The following LAMA3 variants were observed in gnomAD, a reference collection of about 807,000 sequenced individuals.
LAMA3 encodes the protein laminin subunit alpha 3.
In LAMA3, 281 loss-of-function variants were observed where a neutral mutation model predicts 402.0. The ratio of observed to expected loss-of-function variants is 0.70; its 90% CI spans 0.63 to 0.77. The LOEUF is 0.77. Among genes scored for constraint, LAMA3 ranks in the 30% least tolerant of loss-of-function variants. The pLI is 0.00. For synonymous variants in LAMA3, 1,431 were observed against 1,558.4 expected (o/e 0.92, Z 1.93); for missense variants, 3,840 against 4,215.5 (o/e 0.91, Z 2.47).
rs1023157988 is a variant in LAMA3, at chr18:23,861,797, T to C, written c.4574T>C (p.Leu1525Pro). Reference sequence around the variant, plus strand: ...TCCTGGGTCGCACCCACCTCCTACCTGGGGGACAAGGTAATGATGTCCTGC... The same window carrying C: ...TCCTGGGTCGCACCCACCTCCTACCCGGGGGACAAGGTAATGATGTCCTGC... ...SASWVAPTSY[L>P]GDKVSSYGGY... The change falls in exon 35 of 75, where the codon CTG becomes CCG. Residue 1525 changes from leucine to proline, a missense_variant. Physicochemically the swap from Leu to Pro is moderately conservative, Grantham distance 98. Transcript: ENST00000313654. 1.9e-6 allele frequency: 3 copies of C among 1,612,746 alleles called. No individual in the cohort carries two copies. The highest frequency in any genetic ancestry group is 1.1e-5 in the South Asian group (1 of 90,812).
In LAMA3 at chr18:23,753,719, A is replaced by G. The variant is rs757101344; in HGVS notation, c.856-2A>G. 1.1e-5 allele frequency: 18 copies of G among 1,608,876 alleles called. No individual in the cohort carries two copies. Among genetic ancestry groups the G allele is most frequent in the Non-Finnish European group, 1.5e-5 (18 of 1,175,142 alleles). On this transcript the variant is annotated splice_acceptor_variant, in intron 5 of 74. Transcript: ENST00000313654. LOFTEE classifies it high-confidence loss of function. Reference sequence around the variant, plus strand: ...TTGCATGTTCTGTGTTCTGTTGTGCAGTATTATTACAGCATAAAGGACATC... The same window carrying G: ...TTGCATGTTCTGTGTTCTGTTGTGCGGTATTATTACAGCATAAAGGACATC...
intron 39 of LAMA3, 120 bp from the exon 40 acceptor site, chr18:23,881,816 T>G: frequency 1.4e-6 from 1 of 711,364 alleles, no homozygotes; most frequent in East Asian, 2.7e-5. Context: ...TTAGAGGAGC[T>G]GATATCACTG....
chr18:23,930,860 T>C (rs895243673), intron 64 of LAMA3, among the ~76,000 whole-genome samples: 1 of 152,234 alleles, frequency 6.6e-6, no homozygotes, highest in Non-Finnish European at 1.5e-5. Flanking sequence ...GGTGTTGACA[T>C]AATTTGCATA....
chr18:23,927,341 G>A (rs2082031507), intron 62 of LAMA3, among the ~76,000 whole-genome samples: 1 of 152,080 alleles, frequency 6.6e-6, no homozygotes, highest in Non-Finnish European at 1.5e-5. Context: ...GCTAATTTTT[G>A]TATTTTTAGT....
In LAMA3 at chr18:23,748,921, C is replaced by A. The variant is rs185841051; in HGVS notation, c.566-507C>A. ...CAGTTCTTGGCACTATTTGGGAGTA[C>A]CTGTAAGATGGTAGAAGCTGTGAAT... On this transcript the variant is annotated intron_variant, in intron 3 of 74. Transcript: ENST00000313654. Among the ~76,000 whole-genome samples the A allele has an allele frequency of 1.6e-4, 25 of 152,088 alleles. No homozygotes were observed. In the East Asian group the frequency reaches 4.1e-3, roughly 25 times the overall value.
At chr18:23,909,858 C>T (rs2145201013) in intron 55 of LAMA3, among the ~76,000 whole-genome samples, 1 of 152,320 alleles carries the variant, frequency 6.6e-6, no homozygotes, top group African/African-American at 2.4e-5. Flanking sequence ...TTTCCAATAA[C>T]TCCTAGACAG....
In LAMA3 at chr18:23,814,396, T is replaced by C. The variant is rs909098341; in HGVS notation, c.1789-7T>C. ...ATGTCAAATGTTTGTTTGATTTTCA[T>C]TCAAAGGGGTATTGCCAATGCAAGC... On this transcript the variant is annotated splice_region_variant and splice_polypyrimidine_tract_variant and intron_variant, in intron 14 of 74. Transcript: ENST00000313654. The C allele has an allele frequency of 1.8e-5, 29 of 1,586,768 alleles. No individual in the cohort carries two copies. The highest frequency in any genetic ancestry group is 2.3e-5 in the Non-Finnish European group (27 of 1,155,320).
intron 39 of LAMA3, among the ~76,000 whole-genome samples, chr18:23,880,952 G>A (rs2064876105): frequency 6.6e-6 from 1 of 152,152 alleles, no homozygotes; most frequent in Non-Finnish European, 1.5e-5. Flanking sequence ...CAACACCTCT[G>A]CATACAGAAG....
chr18:23,821,451 A>G (rs1256900884), intron 19 of LAMA3, among the ~76,000 whole-genome samples: 2 of 152,224 alleles, frequency 1.3e-5, no homozygotes, highest in Non-Finnish European at 2.9e-5. Context: ...TTAAACAAAG[A>G]AGTTGGGGGA....
At chr18:23,797,747 A>G (rs1479272723) in intron 12 of LAMA3, among the ~76,000 whole-genome samples, 9 of 152,214 alleles carry the variant, frequency 5.9e-5, no homozygotes, top group Admixed American at 5.9e-4. Context: ...TCTTCTTTAA[A>G]GAGAATTTTA....
chr18:23,820,592 G>A (rs1255177941), intron 19 of LAMA3, among the ~76,000 whole-genome samples: 1 of 151,970 alleles, frequency 6.6e-6, no homozygotes, highest in Non-Finnish European at 1.5e-5. Flanking sequence ...AATGAGTAGG[G>A]GAATTTATAC....
At chr18:23,728,641 T>G (rs186249277) in intron 2 of LAMA3, among the ~76,000 whole-genome samples, 1 of 152,248 alleles carries the variant, frequency 6.6e-6, no homozygotes, top group Non-Finnish European at 1.5e-5. Flanking sequence ...AGGAAGGAAG[T>G]GTCTATCCCT....
chr18:23,752,030 G>T (rs2143587252), intron 5 of LAMA3, among the ~76,000 whole-genome samples: 1 of 152,248 alleles, frequency 6.6e-6, no homozygotes, highest in South Asian at 2.1e-4. Context: ...TTTTTATATA[G>T]GTAACATCAG....
intron 23 of LAMA3, among the ~76,000 whole-genome samples, chr18:23,832,813 T>A (rs1409459894): frequency 1.3e-5 from 2 of 152,192 alleles, no homozygotes; most frequent in African/African-American, 4.8e-5. Flanking sequence ...TGTATTTGCA[T>A]GTATATATTT....
chr18:23,953,076 A>C lies in LAMA3; in HGVS notation c.9823A>C (p.Thr3275Pro), dbSNP rs762029893. 1 of 1,614,096 alleles carries C rather than the reference A, an allele frequency of 6.2e-7. No individual in the cohort carries two copies. The highest frequency in any genetic ancestry group is 8.5e-7 in the Non-Finnish European group (1 of 1,179,984). Residue 3275 changes from threonine (T) to proline (P), a missense_variant, in exon 74 of 75, where the codon ACT (threonine) becomes CCT (proline). Thr to Pro is a conservative substitution (Grantham distance 38, BLOSUM62 -1). This residue lies in a region of LAMA3 where 840 missense variants were observed against 981.9 expected (regional missense o/e 0.86). Transcript: ENST00000313654. ...AGQIPFPPAS[T>P]QEPLHLGGAP... is the part of the protein sequence containing the mutation. ...ACAGATCCCCTTCCCACCTGCCAGC[A>C]CTCAAGAGCCACTACACCTTGGAGG...
At chr18:23,711,989 A>C (rs2060998733) in intron 1 of LAMA3, among the ~76,000 whole-genome samples, 1 of 152,262 alleles carries the variant, frequency 6.6e-6, no homozygotes. Flanking sequence ...AAATTCCCTC[A>C]TCAAATAACT....
chr18:23,729,898 G>A (rs2061362150), intron 2 of LAMA3, among the ~76,000 whole-genome samples: 2 of 152,232 alleles, frequency 1.3e-5, no homozygotes, highest in African/African-American at 4.8e-5. Flanking sequence ...CGTCCTGTCT[G>A]TGCTGGGCTT....
At chr18:23,699,052 G>GAGAA (rs1555672798) in intron 1 of LAMA3, among the ~76,000 whole-genome samples, 6 of 149,162 alleles carry the variant, frequency 4.0e-5, no homozygotes, top group East Asian at 2.0e-4. Flanking sequence ...GAGAGAGAGA[G>GAGAA]AGAAAGAAAA....
chr18:23,810,678 G>T (rs555150443), intron 13 of LAMA3, among the ~76,000 whole-genome samples, 175 bp downstream of exon 13: 1 of 151,988 alleles, frequency 6.6e-6, no homozygotes, highest in African/African-American at 2.4e-5. Flanking sequence ...TTGAAAACAC[G>T]TATATCATAT....
Sources: gnomAD v4.1 joint callset for allele counts (sites outside exome capture counted in the v4.1 genomes callset) on GRCh38, gnomAD v4.1.1 for gene constraint, gnomAD v4.1.1 regional missense constraint, MANE v1.5 for transcripts, NCBI Gene and HGNC (gene_info 2026-07-23, HGNC 2026-07-21) for gene names.